Variants in PKD1L1 observed in about 807,000 individuals in gnomAD.
The protein encoded by PKD1L1 is polycystin 1 like 1, transient receptor potential channel interacting.
In PKD1L1, 236 loss-of-function variants were observed where a neutral mutation model predicts 323.4. The observed-to-expected ratio is 0.73, with a 90% CI of 0.66 to 0.81. The LOEUF is 0.81. Among genes scored for constraint, PKD1L1 ranks in the 40% least tolerant of loss-of-function variants. PKD1L1 has a pLI of 0.00. For missense variants in PKD1L1, 3,320 were observed against 3,508.0 expected (o/e 0.95, Z 1.35); for synonymous variants, 1,344 against 1,335.0 (o/e 1.01, Z -0.15).
At chr7:47,933,337 T>C (rs1787807975) in intron 4 of PKD1L1, among the ~76,000 whole-genome samples, 1 of 152,206 alleles carries the variant, frequency 6.6e-6, no homozygotes, top group Admixed American at 6.5e-5. Flanking sequence ...ACTTCTGTAA[T>C]TGCCCCCTTC....
chr7:47,783,050 C>G (rs551659053), intron 56 of PKD1L1, among the ~76,000 whole-genome samples: 1 of 152,266 alleles, frequency 6.6e-6, no homozygotes, highest in Admixed American at 6.5e-5. Flanking sequence ...GAGGAGGCAA[C>G]AGGAGCTCCT....
At chr7:47,930,467 T>C (rs1044853871) in intron 6 of PKD1L1, among the ~76,000 whole-genome samples, 2 of 151,590 alleles carry the variant, frequency 1.3e-5, no homozygotes, top group East Asian at 1.9e-4. Context: ...ATCGCGCCAC[T>C]GCACTCCAGC....
chr7:47,795,175 T>C, intron 55 of PKD1L1: 1 of 311,562 alleles, frequency 3.2e-6, no homozygotes, highest in Non-Finnish European at 6.3e-6. Context: ...ATGATATTGT[T>C]TGGCTGTGTC....
chr7:47,950,585 C>G (rs978109102), upstream of PKD1L1, among the ~76,000 whole-genome samples: 1 of 152,108 alleles, frequency 6.6e-6, no homozygotes, highest in Non-Finnish European at 1.5e-5. Context: ...TGATGCACGC[C>G]TGTAATCCCA....
chr7:47,931,978 A>G lies in PKD1L1; in HGVS notation c.477T>C (p.Cys159=), dbSNP rs885337. 0.5 allele frequency: 814,535 copies of G among 1,613,278 alleles called. 207,147 individuals carry two copies. Among genetic ancestry groups the G allele is most frequent in the Admixed American group, 0.53 (31,782 of 59,980 alleles). The change falls in exon 5 of 57, where the codon TGT becomes TGC. Residue 159 remains cysteine (C), a synonymous_variant. Transcript: ENST00000289672. ...ATGTGCTGTCTGCGGTCCCAGTAGC[A>G]CACAGCCGCCTGTGATGGAACCTGG... is the stretch of plus-strand genomic sequence containing the variant. ...GGPRFHHRRL[C]ATGTADSTFS...
chr7:47,853,532 T>G lies in PKD1L1; in HGVS notation c.4860-305A>C, dbSNP rs6951478. Among the ~76,000 whole-genome samples the G allele has an allele frequency of 0.17, 25,827 of 151,858 alleles. 2,623 individuals are homozygous for G. The highest frequency in any genetic ancestry group is 0.23 in the East Asian group (1,195 of 5,146). On this transcript the variant is annotated intron_variant, in intron 30 of 56. Transcript: ENST00000289672. The stretch of plus-strand genomic sequence containing the variant: ...CCGAGATGGGCGGACCACCTGAGGT[T>G]GGGAGTTTGAGACCAGCCTGACCAA...
chr7:47,904,248 T>C (rs1787150992), intron 12 of PKD1L1, 130 bp downstream of exon 12: 18 of 1,267,786 alleles, frequency 1.4e-5, no homozygotes, highest in Non-Finnish European at 1.7e-5. Context: ...CTTATTTGTC[T>C]CTGTGTAATC....
chr7:47,894,135 A>G, intron 14 of PKD1L1, 76 bp from the exon 15 acceptor site: 1 of 1,378,688 alleles, frequency 7.3e-7, no homozygotes, highest in Non-Finnish European at 9.8e-7. Flanking sequence ...CACTAGTCTG[A>G]AAATTAGAAA....
intron 9 of PKD1L1, among the ~76,000 whole-genome samples, chr7:47,907,393 T>C (rs115989918): frequency 0.017 from 2,562 of 152,274 alleles, 73 homozygotes; most frequent in African/African-American, 0.059. Context: ...GGACTCTTTT[T>C]TCTACGGTAA....
At chr7:47,933,059 A>G (rs1787802461) in intron 4 of PKD1L1, among the ~76,000 whole-genome samples, 1 of 152,242 alleles carries the variant, frequency 6.6e-6, no homozygotes, top group Non-Finnish European at 1.5e-5. Flanking sequence ...GTAAACTATT[A>G]GATGATGAGA....
intron 8 of PKD1L1, among the ~76,000 whole-genome samples, chr7:47,911,025 AC>A (rs1787311124): frequency 6.6e-6 from 1 of 152,074 alleles, no homozygotes; most frequent in Non-Finnish European, 1.5e-5. Context: ...AAGATGTAAT[AC>A]TGATATAGTT....
At chr7:47,789,729 C>A (rs1311128152) in intron 56 of PKD1L1, among the ~76,000 whole-genome samples, 1 of 152,022 alleles carries the variant, frequency 6.6e-6, no homozygotes, top group Non-Finnish European at 1.5e-5. Flanking sequence ...TGTTTTAATC[C>A]CATCATTCAA....
intron 46 of PKD1L1, among the ~76,000 whole-genome samples, chr7:47,816,709 A>C (rs1785027268): frequency 6.6e-6 from 1 of 152,258 alleles, no homozygotes; most frequent in Non-Finnish European, 1.5e-5. Flanking sequence ...AAGAAGTTAG[A>C]AAGTCACCCA....
At chr7:47,859,442 TTCTC>T (rs1052546115) in intron 26 of PKD1L1, among the ~76,000 whole-genome samples, 10 of 152,018 alleles carry the variant, frequency 6.6e-5, no homozygotes, top group African/African-American at 2.4e-4. Context: ...AATCCTGCTT[TTCTC>T]TCTCTCTGTT....
rs1236154398 is a variant in PKD1L1 at position 47,946,882 on chromosome 7, A to G, written c.44+1515T>C. Reference sequence around the variant, plus strand: ...GAACTAGTTGGTCTGCAAGTACAAGATGTATAAATATACAGGGGAAAAAAC... The same window carrying G: ...GAACTAGTTGGTCTGCAAGTACAAGGTGTATAAATATACAGGGGAAAAAAC... On this transcript the variant is annotated intron_variant, in intron 1 of 56. Coordinates refer to ENST00000289672, the MANE Select transcript of PKD1L1 (RefSeq NM_138295.5). This position sits in a 1 kb window ranked among gnomAD's most constrained non-coding sequence, Gnocchi z 4.1. Among the ~76,000 whole-genome samples, 1 of 138,902 alleles carries G rather than the reference A, an allele frequency of 7.2e-6. No individual in the cohort carries two copies. The highest frequency in any genetic ancestry group is 1.5e-5 in the Non-Finnish European group (1 of 67,930). The allele number at this position is 138,902 out of a possible 152,430, so 91.1% of individuals were successfully genotyped here. A position where few individuals can be genotyped will look rare whatever the true frequency, so the allele number is the denominator to read the frequency against.
Position 47,809,860 on chromosome 7 carries a change from C to T in PKD1L1, c.7582-283G>A, listed in dbSNP as rs188525955. On this transcript the variant is annotated intron_variant, in intron 50 of 56. Transcript: ENST00000289672. ...GGAAAGCACGGAGTATGGGCATCTA[C>T]GGCCACCAGGCCTCCCGACCTCCAT... 93 of 280,156 alleles carry T rather than the reference C, an allele frequency of 3.3e-4. 1 individual carries two copies. The highest frequency in any genetic ancestry group is 1.1e-3 in the Middle Eastern group (1 of 952). 17.4% of individuals were successfully genotyped at this position (280,156 alleles called of 1,614,324 possible). A position where few individuals can be genotyped will look rare whatever the true frequency, so the allele number is the denominator to read the frequency against.
intron 49 of PKD1L1, 110 bp from the exon 50 acceptor site, chr7:47,812,161 G>T: frequency 1.2e-6 from 1 of 866,742 alleles, no homozygotes; most frequent in Non-Finnish European, 1.8e-6. Context: ...GCTAGACTTT[G>T]CAAGGACACA....
At chr7:47,922,901 G>A (rs1787582338) in intron 7 of PKD1L1, among the ~76,000 whole-genome samples, 1 of 152,242 alleles carries the variant, frequency 6.6e-6, no homozygotes, top group Admixed American at 6.5e-5. Flanking sequence ...AGAAAAGGGG[G>A]AAATGTGGGG....
chr7:47,821,218 ACAGACC>A lies in PKD1L1; in HGVS notation c.6855-38_6855-33del, dbSNP rs1412738709. The A allele has an allele frequency of 2.1e-6, 3 of 1,410,716 alleles. No homozygotes were observed. In the African/African-American group the frequency reaches 4.2e-5, roughly 20 times the overall value. The allele number at this position is 1,410,716 out of a possible 1,614,324, so 87.4% of individuals were successfully genotyped here. On this transcript the variant is annotated intron_variant, in intron 45 of 56. Transcript: ENST00000289672. ...GAAGAGTTTTTAAGTTAGCATCCAT[ACAGACC>A]CTGTATGTAGGTACCTGAGTGCTTC...
Sources: allele counts gnomAD v4.1 joint callset (sites outside exome capture counted in the v4.1 genomes callset), GRCh38; gene constraint gnomAD v4.1.1; non-coding constraint Gnocchi (gnomAD v3.1); transcripts MANE v1.5; gene names NCBI Gene and HGNC (gene_info 2026-07-23, HGNC 2026-07-21).